Variants in TPM1 observed in about 807,000 individuals in gnomAD.
TPM1 encodes tropomyosin alpha-1 chain.
A neutral mutation model predicts 42.9 loss-of-function variants in TPM1; 24 were observed. The ratio of observed to expected loss-of-function variants is 0.56; its 90% CI spans 0.41 to 0.79. TPM1 has a LOEUF of 0.79. Among genes scored for constraint, TPM1 ranks in the 30% least tolerant of loss-of-function variants. The pLI is 0.00. For missense variants in TPM1, 158 were observed against 351.8 expected (o/e 0.45, Z 4.41); for synonymous variants, 136 against 130.1 (o/e 1.05, Z -0.31).
chr15:63,066,236 T>C (rs1384964340), downstream of TPM1: 2 of 1,229,280 alleles, frequency 1.6e-6, no homozygotes, highest in Admixed American at 4.0e-5. Context: ...CTATACAGAA[T>C]TATATCAGGA....
rs11558747 is a variant in TPM1, at chr15:63,059,674, T to C, written c.486T>C (p.Tyr162=). 91,848 of 1,607,220 alleles carry C rather than the reference T, an allele frequency of 0.057. 3,085 individuals are homozygous for C. The highest frequency in any genetic ancestry group is 0.11 in the Middle Eastern group (683 of 6,028). Residue 162 remains tyrosine (Y), a synonymous_variant, in exon 4 of 10, where the codon TAT becomes TAC. Transcript: ENST00000403994. ...TTGCTGAAGATGCCGACCGCAAATA[T>C]GAAGAGGTCAGATCCTGGGGCCCAA... is the stretch of plus-strand genomic sequence containing the variant. ...KHIAEDADRK[Y]EEVARKLVII...
intron 3 of TPM1, among the ~76,000 whole-genome samples, chr15:63,059,145 A>T (rs549896781): frequency 1.3e-5 from 2 of 152,220 alleles, no homozygotes; most frequent in South Asian, 4.1e-4. Flanking sequence ...GTATATAAAG[A>T]TAAGTTTGAT....
intron 2 of TPM1, chr15:63,046,992 T>C (rs2140678747): frequency 6.6e-6 from 1 of 152,356 alleles, no homozygotes. Flanking sequence ...TCCCAGGACA[T>C]TAAGTCACTA....
chr15:63,049,342 C>G (rs1056154280), intron 2 of TPM1: 13 of 153,260 alleles, frequency 8.5e-5, no homozygotes, highest in Admixed American at 5.9e-4. Context: ...CCCCTTTTCT[C>G]TCATACAGAT....
chr15:63,065,005 C>T (rs148521916), intron 9 of TPM1: 1 of 985,268 alleles, frequency 1.0e-6, no homozygotes, highest in African/African-American at 1.7e-5. Flanking sequence ...GAACCCTCTG[C>T]TGAGTAACCA....
At chr15:63,069,806 C>G, downstream of TPM1, 1 of 1,607,278 alleles carries the variant, frequency 6.2e-7, no homozygotes, top group Non-Finnish European at 8.5e-7. Flanking sequence ...CTGCCTCTCA[C>G]CAAGTCTGCT....
chr15:63,048,320 G>A, intron 2 of TPM1: 5 of 1,002,518 alleles, frequency 5.0e-6, no homozygotes, highest in Non-Finnish European at 7.0e-6. Flanking sequence ...AGCATGCGCA[G>A]TGCCCCCAGC....
chr15:63,062,953 G>A, intron 8 of TPM1: 1 of 1,426,108 alleles, frequency 7.0e-7, no homozygotes, highest in Non-Finnish European at 9.1e-7. Flanking sequence ...AATGACTCTA[G>A]TATATTTTAT....
intron 4 of TPM1, 33 bp downstream of exon 4, chr15:63,059,713 C>T (rs1263547662): frequency 6.7e-7 from 1 of 1,494,612 alleles, no homozygotes; most frequent in Admixed American, 1.7e-5. Context: ...CTTGTGGACA[C>T]CCAGCAGTGG....
intron 8 of TPM1, 133 bp from the exon 9 acceptor site, chr15:63,063,931 G>C: frequency 7.4e-7 from 1 of 1,357,682 alleles, no homozygotes; most frequent in Non-Finnish European, 9.9e-7. Flanking sequence ...ACCTGCTGCG[G>C]CACCAACCCC....
downstream of TPM1, chr15:63,066,201 G>T: frequency 7.2e-7 from 1 of 1,389,072 alleles, no homozygotes; most frequent in African/African-American, 1.5e-5. Context: ...TTTGGCTGCT[G>T]CTTTTTCTTT....
intron 2 of TPM1, chr15:63,048,447 C>G (rs948691261): frequency 1.5e-5 from 21 of 1,355,952 alleles, no homozygotes; most frequent in Admixed American, 4.0e-5. Context: ...GGGGCGCCGC[C>G]ATCGCACAGA....
chr15:63,064,433 T>C (rs1477479034), intron 9 of TPM1: 37 of 1,213,740 alleles, frequency 3.0e-5, no homozygotes, highest in Non-Finnish European at 2.9e-5. Flanking sequence ...TTTGGGAAAT[T>C]AAGCTAAACT....
At chr15:63,053,542 G>C (rs934070970) in intron 2 of TPM1, among the ~76,000 whole-genome samples, 16 of 152,224 alleles carry the variant, frequency 1.1e-4, no homozygotes, top group African/African-American at 3.6e-4. Flanking sequence ...CCTGTTTCTA[G>C]TCAAGAGCTA....
At chr15:63,048,932 C>T (rs929295353) in intron 2 of TPM1, 1 of 638,566 alleles carries the variant, frequency 1.6e-6, no homozygotes. Context: ...TAAACGCTCC[C>T]AGGGGAAACG....
At chr15:63,049,082 G>A (rs1309597914) in intron 2 of TPM1, 1 of 265,288 alleles carries the variant, frequency 3.8e-6, no homozygotes, top group East Asian at 1.6e-4. Flanking sequence ...AGTGGAGAGG[G>A]AGGAGGTCCT....
chr15:63,044,293 T>C, intron 2 of TPM1, 141 bp downstream of exon 2: 2 of 1,225,502 alleles, frequency 1.6e-6, no homozygotes, highest in Non-Finnish European at 2.4e-6. Flanking sequence ...CCCAGAGCAT[T>C]GGATGCCGCC....
intron 2 of TPM1, chr15:63,044,439 T>TGAACTTCACCTCCCTGGTGGC (rs1210960410): frequency 1.7e-6 from 1 of 598,596 alleles, no homozygotes; most frequent in Non-Finnish European, 3.0e-6. Context: ...ACTCTGGAGG[T>TGAACTTCACCTCCCTGGTGGC]GAACTTCACC....
chr15:63,051,954 T>C (rs1335835996), intron 2 of TPM1, among the ~76,000 whole-genome samples: 1 of 149,202 alleles, frequency 6.7e-6, no homozygotes, highest in African/African-American at 2.5e-5. Context: ...GGGGTGGGCA[T>C]GCCCTTGATT....
Sources: gnomAD v4.1 joint callset for allele counts (sites outside exome capture counted in the v4.1 genomes callset) on GRCh38, gnomAD v4.1.1 for gene constraint, MANE v1.5 for transcripts, NCBI Gene and HGNC (gene_info 2026-07-23, HGNC 2026-07-21) for gene names.